The following ANKFN1 variants were observed in gnomAD, a reference collection of about 807,000 sequenced individuals.
ANKFN1 encodes the protein ankyrin repeat and fibronectin type-III domain-containing protein 1.
In ANKFN1, 74 loss-of-function variants were observed where a neutral mutation model predicts 108.7. That is an observed-to-expected ratio of 0.68 (90% CI 0.56 to 0.83). The LOEUF is 0.83. ANKFN1 is among the 40% of genes least tolerant of loss of function. The pLI is 0.00. For missense variants in ANKFN1, 1,505 were observed against 1,382.3 expected (o/e 1.09, Z -1.41); for synonymous variants, 547 against 516.2 (o/e 1.06, Z -0.81).
At chr17:56,222,931 C>T (rs1469061023) in intron 2 of ANKFN1, among the ~76,000 whole-genome samples, 3 of 152,180 alleles carry the variant, frequency 2.0e-5, no homozygotes, top group Admixed American at 2.0e-4. Context: ...TACAAGCCCA[C>T]TGTAATTGCA....
intron 4 of ANKFN1, among the ~76,000 whole-genome samples, chr17:56,094,503 C>CGAAG: frequency 1.9e-5 from 1 of 54,008 alleles, no homozygotes; most frequent in Non-Finnish European, 2.9e-5. Flanking sequence ...TTTTTTGAGG[C>CGAAG]GAAGTCTTGT....
At chr17:56,277,403 A>G (rs1002805073) in intron 3 of ANKFN1, among the ~76,000 whole-genome samples, 43 of 152,100 alleles carry the variant, frequency 2.8e-4, no homozygotes, top group African/African-American at 8.9e-4. Flanking sequence ...TTATTGACCT[A>G]CAGAGTTATC....
chr17:56,257,054 G>T (rs1482687208), intron 3 of ANKFN1, among the ~76,000 whole-genome samples: 1 of 152,168 alleles, frequency 6.6e-6, no homozygotes, highest in Non-Finnish European at 1.5e-5. Context: ...TTAACTGTGG[G>T]TTATTGATTT....
At chr17:56,320,673 G>A (rs1210989207) in intron 3 of ANKFN1, among the ~76,000 whole-genome samples, 1 of 152,090 alleles carries the variant, frequency 6.6e-6, no homozygotes, top group Non-Finnish European at 1.5e-5. Flanking sequence ...TCAGAAGCAT[G>A]GACTCCGATT....
At chr17:56,302,946 G>A (rs1295181074) in intron 3 of ANKFN1, among the ~76,000 whole-genome samples, 1 of 152,140 alleles carries the variant, frequency 6.6e-6, no homozygotes, top group Non-Finnish European at 1.5e-5. Context: ...TTCAACTTTT[G>A]GTGACTAGAG....
In ANKFN1 at chr17:56,512,951, G is replaced by A. The variant is rs2051816949; in HGVS notation, c.*1682G>A. Among the ~76,000 whole-genome samples the A allele has an allele frequency of 6.6e-6, 1 of 152,122 alleles. No individual in the cohort carries two copies. The highest frequency in any genetic ancestry group is 1.5e-5 in the Non-Finnish European group (1 of 68,036). Reference sequence around the variant, plus strand: ...AGAATCACTACAGCTCCTTTTTCATGACTGGGAGGATTTTAAAATGCAATT... The same window carrying A: ...AGAATCACTACAGCTCCTTTTTCATAACTGGGAGGATTTTAAAATGCAATT... On this transcript the variant is annotated 3_prime_UTR_variant, in exon 21 of 21. Transcript: ENST00000682825.
intron 8 of ANKFN1, among the ~76,000 whole-genome samples, chr17:56,404,528 G>A (rs185501056): frequency 5.8e-4 from 89 of 152,160 alleles, no homozygotes; most frequent in African/African-American, 2.0e-3. Flanking sequence ...TTTTCTTCAA[G>A]CGATCTATGT....
intron 4 of ANKFN1, among the ~76,000 whole-genome samples, chr17:56,066,743 C>A (rs1905062896): frequency 6.6e-6 from 1 of 152,162 alleles, no homozygotes; most frequent in South Asian, 2.1e-4. Context: ...TTCCCCTCCC[C>A]ATAGCCCCTG....
intron 8 of ANKFN1, among the ~76,000 whole-genome samples, chr17:56,416,632 T>A (rs1405186188): frequency 1.3e-5 from 2 of 152,348 alleles, no homozygotes; most frequent in East Asian, 3.9e-4. Flanking sequence ...ACAACCACTA[T>A]GGAGAACAAT....
chr17:56,284,375 A>G (rs1425552271), intron 3 of ANKFN1, among the ~76,000 whole-genome samples: 1 of 152,218 alleles, frequency 6.6e-6, no homozygotes, highest in Non-Finnish European at 1.5e-5. Flanking sequence ...CTTTAAAAGT[A>G]TGAGATGAAA....
At chr17:56,098,682 G>A (rs888472631) in intron 4 of ANKFN1, among the ~76,000 whole-genome samples, 3 of 152,144 alleles carry the variant, frequency 2.0e-5, no homozygotes, top group African/African-American at 7.2e-5. Flanking sequence ...ATGAATGAAA[G>A]CCTTCCCCTT....
At chr17:56,396,126 A>T (rs1467886419) in intron 8 of ANKFN1, among the ~76,000 whole-genome samples, 3 of 152,148 alleles carry the variant, frequency 2.0e-5, no homozygotes, top group Non-Finnish European at 4.4e-5. Context: ...CACCTCATCT[A>T]CACCCTACTG....
chr17:56,449,245 T>C (rs2049405273), intron 11 of ANKFN1, 59 bp downstream of exon 11: 3 of 1,362,560 alleles, frequency 2.2e-6, no homozygotes, highest in Middle Eastern at 4.5e-4. Context: ...CCGGTAATTT[T>C]AGCAGTTTCC....
intron 1 of ANKFN1, among the ~76,000 whole-genome samples, chr17:56,172,413 A>G (rs573672979): frequency 1.3e-5 from 2 of 152,134 alleles, no homozygotes; most frequent in African/African-American, 4.8e-5. Context: ...CTGATTTTTA[A>G]TTATCATATC....
At position 56,364,961 on chromosome 17, in the gene ANKFN1, G is replaced by A. The variant is rs4794635; in HGVS notation, c.602-7685G>A. On this transcript the variant is annotated intron_variant, in intron 6 of 20. Transcript: ENST00000682825. ...TAAGTGAAGCCAAAATGAGTCTTGC[G>A]TCCTGAATCTTAAGATGGATAAATT... Among the ~76,000 whole-genome samples the A allele has an allele frequency of 2.8e-3, 433 of 152,248 alleles. 1 individual carries two copies. Among genetic ancestry groups the A allele is most frequent in the Non-Finnish European group, 5.0e-3 (339 of 67,996 alleles).
At chr17:56,406,347 T>C (rs760408780) in intron 8 of ANKFN1, among the ~76,000 whole-genome samples, 97 of 152,156 alleles carry the variant, frequency 6.4e-4, no homozygotes, top group Non-Finnish European at 9.4e-4. Context: ...AATGGGCAAA[T>C]TATTTCAATT....
intron 4 of ANKFN1, among the ~76,000 whole-genome samples, chr17:56,135,026 C>T (rs552602916): frequency 6.6e-6 from 1 of 152,226 alleles, no homozygotes; most frequent in African/African-American, 2.4e-5. Flanking sequence ...AGCCTCAGGC[C>T]AGAAAGTAGA....
chr17:56,235,507 A>G (rs1450330212), intron 3 of ANKFN1, among the ~76,000 whole-genome samples: 1 of 152,066 alleles, frequency 6.6e-6, no homozygotes, highest in Non-Finnish European at 1.5e-5. Flanking sequence ...TAATTCTTTA[A>G]TCTATCTTTA....
intron 4 of ANKFN1, among the ~76,000 whole-genome samples, chr17:56,340,438 G>T (rs1158491968): frequency 6.6e-6 from 1 of 151,494 alleles, no homozygotes; most frequent in Non-Finnish European, 1.5e-5. Context: ...TTATAGTTTT[G>T]GGATTTACAT....
Sources: gnomAD v4.1 joint callset for allele counts (sites outside exome capture counted in the v4.1 genomes callset) on GRCh38, gnomAD v4.1.1 for gene constraint, MANE v1.5 for transcripts, NCBI Gene and HGNC (gene_info 2026-07-23, HGNC 2026-07-21) for gene names.